Variants in MAGI2 observed in about 807,000 individuals in gnomAD.
MAGI2 encodes the protein membrane-associated guanylate kinase, WW and PDZ domain-containing protein 2.
MAGI2 carries 35 observed loss-of-function variants against 133.3 expected under a neutral mutation model. The observed-to-expected ratio is 0.26, with a 90% confidence interval of 0.20 to 0.35. MAGI2 has a LOEUF of 0.35. MAGI2 is among the 10% of genes least tolerant of loss of function. The probability of loss-of-function intolerance (pLI) is 1.00; values close to 1 mark genes in which losing one functional copy is unlikely to be tolerated. For missense variants in MAGI2, 1,636 were observed against 1,863.4 expected (o/e 0.88, Z 2.25); for synonymous variants, 729 against 710.6 (o/e 1.03, Z -0.41).
chr7:79,311,505 A>T (rs1838289120), intron 1 of MAGI2, among the ~76,000 whole-genome samples: 1 of 152,058 alleles, frequency 6.6e-6, no homozygotes, highest in Admixed American at 6.6e-5. Context: ...AGGACATCAG[A>T]ATAGCATTCC....
chr7:78,948,333 C>G (rs1167904385), intron 2 of MAGI2, among the ~76,000 whole-genome samples: 1 of 151,454 alleles, frequency 6.6e-6, no homozygotes, highest in African/African-American at 2.4e-5. Flanking sequence ...AGAAAACAAA[C>G]ACAATTGTAC....
intron 20 of MAGI2, among the ~76,000 whole-genome samples, chr7:78,124,007 TG>T (rs1481577537): frequency 6.6e-6 from 1 of 152,224 alleles, no homozygotes; most frequent in Non-Finnish European, 1.5e-5. Context: ...TTCTTTGCCT[TG>T]GGAGTACTGT....
At chr7:78,646,681 T>G (rs1810928828) in intron 2 of MAGI2, among the ~76,000 whole-genome samples, 1 of 152,224 alleles carries the variant, frequency 6.6e-6, no homozygotes, top group African/African-American at 2.4e-5. Flanking sequence ...TCCCATATCA[T>G]GTCCAAAGAA....
chr7:78,338,938 TG>T, intron 9 of MAGI2, among the ~76,000 whole-genome samples: 1 of 152,180 alleles, frequency 6.6e-6, no homozygotes, highest in Non-Finnish European at 1.5e-5. Flanking sequence ...CCCAGGAGTT[TG>T]AGTGCCACCA....
intron 1 of MAGI2, among the ~76,000 whole-genome samples, chr7:79,360,729 A>C (rs1230507102): frequency 6.6e-6 from 1 of 152,124 alleles, no homozygotes; most frequent in Admixed American, 6.6e-5. Flanking sequence ...AAAATGCTAT[A>C]AATAAATTGA....
In MAGI2 at chr7:78,677,413, AT is replaced by A. The variant is rs558225151; in HGVS notation, c.419-50175del. Among the ~76,000 whole-genome samples, 909 of 151,982 alleles carry A rather than the reference AT, an allele frequency of 6.0e-3. 4 individuals are homozygous for A. Among genetic ancestry groups the A allele is most frequent in the Non-Finnish European group, 6.8e-3 (465 of 67,964 alleles). Reference sequence around the variant, plus strand: ...TTTTAAATGACATATATTAAAGTATATTTTTTATGCTTTCTTTTCAGTTAAA... The same window carrying A: ...TTTTAAATGACATATATTAAAGTATATTTTTATGCTTTCTTTTCAGTTAAA... On this transcript the variant is annotated intron_variant, in intron 2 of 21. Transcript: ENST00000354212.
At chr7:78,066,793 G>A (rs555598505) in intron 21 of MAGI2, among the ~76,000 whole-genome samples, 1 of 152,332 alleles carries the variant, frequency 6.6e-6, no homozygotes, top group African/African-American at 2.4e-5. Flanking sequence ...GTGAGATAAG[G>A]GGGATGTGCT....
chr7:79,109,668 T>C (rs1459071592), intron 1 of MAGI2, among the ~76,000 whole-genome samples: 1 of 152,132 alleles, frequency 6.6e-6, no homozygotes, highest in Admixed American at 6.5e-5. Context: ...GAAATAGGAA[T>C]ACAAGCAGGC....
intron 1 of MAGI2, among the ~76,000 whole-genome samples, chr7:79,235,367 G>C (rs1181126768): frequency 6.6e-6 from 1 of 152,128 alleles, no homozygotes; most frequent in Non-Finnish European, 1.5e-5. Context: ...GCAAGCCTGG[G>C]CAATGGCGGG....
At chr7:78,761,879 A>C (rs1286801996) in intron 2 of MAGI2, among the ~76,000 whole-genome samples, 3 of 152,038 alleles carry the variant, frequency 2.0e-5, no homozygotes, top group African/African-American at 7.2e-5. Flanking sequence ...GGCAAAGATA[A>C]GACATCTCTC....
chr7:78,052,295 G>A (rs2151111557), intron 21 of MAGI2, among the ~76,000 whole-genome samples: 1 of 152,316 alleles, frequency 6.6e-6, no homozygotes, highest in Admixed American at 6.5e-5. Flanking sequence ...TCATGGGACT[G>A]AGTTCTCCTT....
chr7:78,645,735 A>T, intron 2 of MAGI2, among the ~76,000 whole-genome samples: 1 of 150,462 alleles, frequency 6.6e-6, no homozygotes. Context: ...CAAATAGCAA[A>T]ACTTTTTTTT....
chr7:78,537,546 G>A (rs896831002), intron 3 of MAGI2, among the ~76,000 whole-genome samples: 3 of 152,138 alleles, frequency 2.0e-5, no homozygotes, highest in African/African-American at 7.2e-5. Flanking sequence ...CCTTCTTGCA[G>A]GAATAAGATG....
chr7:78,362,812 A>G (rs1792960850), intron 7 of MAGI2, among the ~76,000 whole-genome samples: 1 of 152,238 alleles, frequency 6.6e-6, no homozygotes, highest in African/African-American at 2.4e-5. Context: ...AAGTATAAAA[A>G]TTGAACAAAC....
chr7:78,702,698 G>T (rs1818202251), intron 2 of MAGI2, among the ~76,000 whole-genome samples: 3 of 151,904 alleles, frequency 2.0e-5, no homozygotes, highest in Admixed American at 1.3e-4. Context: ...TTCATGTGGG[G>T]TGATTAGATT....
chr7:78,588,501 C>A (rs904514002), intron 3 of MAGI2, among the ~76,000 whole-genome samples: 2 of 152,148 alleles, frequency 1.3e-5, no homozygotes, highest in African/African-American at 4.8e-5. Context: ...AGAAACCAGG[C>A]AACCTTCCGA....
chr7:78,610,310 G>C (rs563778760), intron 3 of MAGI2, among the ~76,000 whole-genome samples: 1 of 152,178 alleles, frequency 6.6e-6, no homozygotes, highest in Admixed American at 6.5e-5. Context: ...AGGCTGACTT[G>C]GTTTCTAGAG....
At chr7:79,340,712 T>C (rs1840827387) in intron 1 of MAGI2, among the ~76,000 whole-genome samples, 1 of 152,132 alleles carries the variant, frequency 6.6e-6, no homozygotes, top group Non-Finnish European at 1.5e-5. Flanking sequence ...CCTAGGTAAG[T>C]GTACATATGG....
At chr7:78,399,286 G>A (rs1299410655) in intron 6 of MAGI2, among the ~76,000 whole-genome samples, 2 of 152,138 alleles carry the variant, frequency 1.3e-5, no homozygotes. Flanking sequence ...GAAATACTAA[G>A]ATCTTTTCAA....
Sources: gnomAD v4.1 joint callset for allele counts (sites outside exome capture counted in the v4.1 genomes callset) on GRCh38, gnomAD v4.1.1 for gene constraint, MANE v1.5 for transcripts, NCBI Gene and HGNC (gene_info 2026-07-23, HGNC 2026-07-21) for gene names.